PTGER3: variants seen among roughly 807,000 people sequenced by gnomAD.
PTGER3 encodes the protein prostaglandin E receptor 3.
In PTGER3, 22 loss-of-function variants were observed where a neutral mutation model predicts 34.7. The observed-to-expected ratio is 0.63, with a 90% CI of 0.45 to 0.91. PTGER3 has a LOEUF of 0.91. Ranked by LOEUF, PTGER3 falls within the 40% of genes least tolerant of loss-of-function variation. PTGER3 has a pLI of 0.00. For synonymous variants in PTGER3, 241 were observed against 230.1 expected (o/e 1.05, Z -0.43); for missense variants, 468 against 519.4 (o/e 0.90, Z 0.96).
chr1:70,972,605 C>T lies in PTGER3; in HGVS notation c.1170-872G>A, dbSNP rs1191188165. On this transcript the variant is annotated intron_variant, in intron 3 of 3. Coordinates refer to ENST00000306666, the MANE Select transcript of PTGER3 (RefSeq NM_198719.2). ...GGTAATGATACAGTAATATTTTCAT[C>T]AATGTGGCAAATTTGACCACAAAAT... Among the ~76,000 whole-genome samples the T allele has an allele frequency of 2.0e-5, 3 of 152,026 alleles. No homozygotes were observed. The East Asian group carries it at 5.8e-4, about 29-fold the overall frequency.
chr1:70,913,533 G>A (rs1647106724), intron 4 of PTGER3, among the ~76,000 whole-genome samples: 1 of 151,890 alleles, frequency 6.6e-6, no homozygotes, highest in Non-Finnish European at 1.5e-5. Flanking sequence ...AATGCAGACT[G>A]AAGGAGACAG....
intron 1 of PTGER3, among the ~76,000 whole-genome samples, chr1:71,038,610 A>G (rs1477111790): frequency 3.3e-5 from 5 of 152,360 alleles, no homozygotes; most frequent in African/African-American, 9.6e-5. Flanking sequence ...AAGCACCCAC[A>G]TAAGTCACTG....
downstream of PTGER3, among the ~76,000 whole-genome samples, chr1:70,969,587 G>T (rs1274439101): frequency 6.6e-6 from 1 of 152,124 alleles, no homozygotes; most frequent in Admixed American, 6.5e-5. Context: ...TAACTTCAAA[G>T]TTGCAGACAG....
chr1:70,935,830 G>T lies in PTGER3; in HGVS notation c.*23+17933C>A, dbSNP rs183052921. Among the ~76,000 whole-genome samples the T allele has an allele frequency of 3.0e-4, 46 of 151,958 alleles. 1 individual carries two copies. In the East Asian group the frequency reaches 6.4e-3, roughly 21 times the overall value. On this transcript the variant is annotated intron_variant, in intron 4 of 4. Transcript: ENST00000370931. ...TTCCAAGAAATTTGAAGGAGTCTTG[G>T]TAAAAGAGAGGACAGTAGAACTAGG...
intron 2 of PTGER3, 174 bp downstream of exon 2, chr1:71,012,131 C>T: frequency 6.6e-7 from 1 of 1,519,254 alleles, no homozygotes; most frequent in East Asian, 2.3e-5. Context: ...TAAACAGTGG[C>T]ATGCCAGAGA....
intron 4 of PTGER3, among the ~76,000 whole-genome samples, chr1:70,918,906 C>A (rs1396091240): frequency 2.0e-5 from 3 of 151,844 alleles, no homozygotes; most frequent in Non-Finnish European, 2.9e-5. Flanking sequence ...AGAATTAGGA[C>A]AATTTGCTAT....
chr1:70,981,232 T>C (rs1654224671), intron 2 of PTGER3, among the ~76,000 whole-genome samples: 2 of 152,094 alleles, frequency 1.3e-5, no homozygotes, highest in African/African-American at 4.8e-5. Context: ...AGCCATACTA[T>C]TGTTTCTTTT....
At chr1:70,957,950 G>A (rs1025054514) in intron 2 of PTGER3, among the ~76,000 whole-genome samples, 2 of 151,972 alleles carry the variant, frequency 1.3e-5, no homozygotes, top group African/African-American at 2.4e-5. Flanking sequence ...TCTGTGTCTA[G>A]CTTATTTCAC....
chr1:71,022,706 C>G (rs955897517), intron 1 of PTGER3, among the ~76,000 whole-genome samples: 20 of 151,192 alleles, frequency 1.3e-4, no homozygotes, highest in African/African-American at 4.9e-4. Context: ...CTCTCTCTTA[C>G]ACACACACAC....
chr1:71,008,250 G>T (rs1037967252), intron 2 of PTGER3: 115 of 925,828 alleles, frequency 1.2e-4, no homozygotes, highest in Middle Eastern at 1.1e-3. Flanking sequence ...TTGATACAAA[G>T]CTTCTGAAAA....
chr1:70,968,255 G>C (rs1374612569), downstream of PTGER3, among the ~76,000 whole-genome samples: 1 of 152,160 alleles, frequency 6.6e-6, no homozygotes, highest in African/African-American at 2.4e-5. Flanking sequence ...TATATGTATA[G>C]TCAGGACTCA....
chr1:70,934,802 C>T (rs534173501), intron 4 of PTGER3, among the ~76,000 whole-genome samples: 7 of 152,240 alleles, frequency 4.6e-5, no homozygotes, highest in Admixed American at 2.6e-4. Flanking sequence ...GTCCAGATCA[C>T]CTTCCCTGAC....
rs549935464 is a variant in PTGER3 at position 70,862,459 on chromosome 1, G to A, written c.*24-9600C>T. On this transcript the variant is annotated intron_variant, in intron 4 of 4. Transcript: ENST00000370931. ...AAAGTCCTGCTTTCACACTGTTGAAGTGAAGTGAATGGATAATTTGGATAT... is the reference window on the plus strand; with the variant it reads ...AAAGTCCTGCTTTCACACTGTTGAAATGAAGTGAATGGATAATTTGGATAT... 41 of 1,052,694 alleles carry A rather than the reference G, an allele frequency of 3.9e-5. No individual in the cohort carries two copies. In the African/African-American group the frequency reaches 5.2e-4, roughly 13 times the overall value. 65.2% of individuals were successfully genotyped at this position (1,052,694 alleles called of 1,614,324 possible).
Position 70,873,098 on chromosome 1 carries a change from C to CA in PTGER3, c.*24-20240dup, listed in dbSNP as rs34564339. Among the ~76,000 whole-genome samples the CA allele has an allele frequency of 4.7e-3, 692 of 148,218 alleles. 3 individuals are homozygous for CA. Among genetic ancestry groups the CA allele is most frequent in the African/African-American group, 7.4e-3 (300 of 40,544 alleles). Reference sequence around the variant, plus strand: ...GTCTTTTCAAGAAGTTCTAATATGACAAAAAAAAAATCTCTTTTAAGTGTC... The same window carrying CA: ...GTCTTTTCAAGAAGTTCTAATATGACAAAAAAAAAAATCTCTTTTAAGTGTC... On this transcript the variant is annotated intron_variant, in intron 4 of 4. Transcript: ENST00000370931.
At chr1:70,928,483 A>T (rs1030861561) in intron 4 of PTGER3, among the ~76,000 whole-genome samples, 4 of 151,972 alleles carry the variant, frequency 2.6e-5, no homozygotes, top group South Asian at 2.1e-4. Flanking sequence ...AAAATAAAAA[A>T]TTAGCCAGGC....
At chr1:70,895,459 T>C (rs758546499) in intron 4 of PTGER3, among the ~76,000 whole-genome samples, 1 of 152,222 alleles carries the variant, frequency 6.6e-6, no homozygotes, top group Non-Finnish European at 1.5e-5. Flanking sequence ...CTTTTCATGG[T>C]ATACAACTAC....
chr1:71,003,529 A>T lies in PTGER3; in HGVS notation c.1077+8776T>A, dbSNP rs182777113. Among the ~76,000 whole-genome samples, 658 of 152,120 alleles carry T rather than the reference A, an allele frequency of 4.3e-3. 6 individuals carry two copies. The highest frequency in any genetic ancestry group is 0.015 in the African/African-American group (634 of 41,520). On this transcript the variant is annotated intron_variant, in intron 2 of 3. Coordinates refer to ENST00000306666, the MANE Select transcript of PTGER3 (RefSeq NM_198719.2). ...AATGCATCTTTGGATAACTTGTAAT[A>T]TTTTTTTTAAATGGGTCTTTCACTT...
At chr1:71,017,727 A>G (rs928549131) in intron 1 of PTGER3, among the ~76,000 whole-genome samples, 2 of 152,068 alleles carry the variant, frequency 1.3e-5, no homozygotes, top group African/African-American at 4.8e-5. Flanking sequence ...CATGATCACA[A>G]GTTTCTTGAG....
At chr1:70,883,965 G>A in intron 4 of PTGER3, 1 of 265,638 alleles carries the variant, frequency 3.8e-6, no homozygotes, top group Admixed American at 4.6e-5. Flanking sequence ...GGGAGGCTGA[G>A]GCAGGAGAAT....
Sources: allele counts gnomAD v4.1 joint callset (sites outside exome capture counted in the v4.1 genomes callset), GRCh38; gene constraint gnomAD v4.1.1; transcripts MANE v1.5; gene names NCBI Gene and HGNC (gene_info 2026-07-23, HGNC 2026-07-21).